The following DMD variants were observed in gnomAD, a reference collection of about 807,000 sequenced individuals.
DMD encodes dystrophin, also known as mutant dystrophin.
In DMD, 63 loss-of-function variants were observed where a neutral mutation model predicts 330.1. The observed-to-expected ratio is 0.19, with a 90% confidence interval of 0.16 to 0.24. The LOEUF is 0.24. Among genes scored for constraint, DMD ranks in the 10% least tolerant of loss-of-function variants. DMD has a pLI of 1.00. For synonymous variants in DMD, 1,223 were observed against 959.8 expected (o/e 1.27, Z -5.07); for missense variants, 3,344 against 2,684.1 (o/e 1.25, Z -5.43).
At chrX:31,878,574 A>C (rs759883212) in intron 47 of DMD, among the ~76,000 whole-genome samples, 74 of 112,217 alleles carry the variant, frequency 6.6e-4, no homozygotes, top group Non-Finnish European at 1.0e-3. Flanking sequence ...CCATAGGCAA[A>C]ATCAAAAACA....
At chrX:32,562,683 T>G (rs1464626619) in intron 16 of DMD, among the ~76,000 whole-genome samples, 2 of 112,803 alleles carry the variant, frequency 1.8e-5, no homozygotes, top group East Asian at 5.6e-4. Context: ...GTCACAACCT[T>G]ACAGCTCATA....
chrX:31,402,830 A>G (rs1434158986), intron 60 of DMD, among the ~76,000 whole-genome samples: 2 of 111,990 alleles, frequency 1.8e-5, no homozygotes, highest in African/African-American at 6.5e-5. Context: ...AATGTATAGG[A>G]GAAAACTAAT....
At position 33,219,705 on chromosome X, in the gene DMD, AG is replaced by A. The variant is rs765639739; in HGVS notation, c.7+119553del. On this transcript the variant is annotated intron_variant, in intron 1 of 17. Transcript: ENST00000288447. ...CAACTGTTTTATGAGGTAAATGTAC[AG>A]GGATTAATGAAGATTTTTAAAGATT... 2.3e-3 allele frequency among the ~76,000 whole-genome samples: 257 copies of A among 111,699 alleles called. 1 individual carries two copies. The highest frequency in any genetic ancestry group is 8.0e-3 in the African/African-American group (245 of 30,773).
rs753335189 is a variant in DMD, at chrX:31,119,411, A to AACTC, written c.*2504_*2507dup. Reference sequence around the variant, plus strand: ...CAATATATTATGATACTCAAGTAAGAACTCAGTACCTGAAAACAATGACAA... The same window carrying AACTC: ...CAATATATTATGATACTCAAGTAAGAACTCACTCAGTACCTGAAAACAATGACAA... On this transcript the variant is annotated 3_prime_UTR_variant, in exon 79 of 79. Coordinates refer to ENST00000357033, the MANE Select transcript of DMD (RefSeq NM_004006.3). 4.4e-5 allele frequency: 5 copies of AACTC among 112,572 alleles called. No homozygotes were observed. The South Asian group carries it at 1.1e-3, about 25-fold the overall frequency. 9.3% of individuals were successfully genotyped at this position (112,572 alleles called of 1,213,427 possible).
chrX:33,303,382 G>A (rs1306241637), intron 1 of DMD, among the ~76,000 whole-genome samples: 1 of 111,618 alleles, frequency 9.0e-6, no homozygotes, highest in African/African-American at 3.3e-5. Context: ...ATAAAATAAA[G>A]CCAACATTCT....
chrX:32,312,722 A>T (rs1217625648), intron 41 of DMD, among the ~76,000 whole-genome samples: 6 of 108,240 alleles, frequency 5.5e-5, no homozygotes, highest in African/African-American at 2.0e-4. Context: ...AAGAGGCACA[A>T]TAAAAAATGA....
At chrX:31,608,803 C>T (rs958718391) in intron 55 of DMD, among the ~76,000 whole-genome samples, 2 of 111,282 alleles carry the variant, frequency 1.8e-5, no homozygotes, top group Non-Finnish European at 3.8e-5. Context: ...GCTCATTTAC[C>T]ATTTGCTAAA....
intron 43 of DMD, among the ~76,000 whole-genome samples, chrX:32,271,616 A>G (rs2097365435): frequency 8.9e-6 from 1 of 112,948 alleles, no homozygotes; most frequent in Non-Finnish European, 1.9e-5. Flanking sequence ...CTCCTAGAAT[A>G]GAAGGTGAAA....
At chrX:33,229,768 T>G in intron 1 of DMD, among the ~76,000 whole-genome samples, 2 of 111,965 alleles carry the variant, frequency 1.8e-5, no homozygotes, top group Non-Finnish European at 3.8e-5. Flanking sequence ...CCGTATAAAT[T>G]TAGAATAAGC....
intron 16 of DMD, among the ~76,000 whole-genome samples, chrX:32,550,373 T>C (rs2049417289): frequency 1.8e-5 from 2 of 111,506 alleles, no homozygotes; most frequent in South Asian, 7.4e-4. Context: ...TCAAACAAAC[T>C]GCTCCTGAAT....
At chrX:31,998,299 C>T (rs780432217) in intron 44 of DMD, among the ~76,000 whole-genome samples, 15 of 111,611 alleles carry the variant, frequency 1.3e-4, no homozygotes, top group South Asian at 3.7e-4. Flanking sequence ...AAATGTGGAG[C>T]TTCCCTAGTA....
chrX:32,581,217 A>C (rs888965627), intron 13 of DMD, among the ~76,000 whole-genome samples: 1 of 112,354 alleles, frequency 8.9e-6, no homozygotes, highest in Non-Finnish European at 1.9e-5. Flanking sequence ...CTTTTCATCC[A>C]CAAGAAATCA....
chrX:33,025,942 A>G lies in DMD; in HGVS notation c.32-5742T>C, dbSNP rs775670621. Among the ~76,000 whole-genome samples the G allele has an allele frequency of 3.1e-3, 350 of 112,035 alleles. 2 individuals carry two copies. Among genetic ancestry groups the G allele is most frequent in the Non-Finnish European group, 5.4e-3 (286 of 53,212 alleles). ...ATCTTCATCCCTAATGTGACACAGA[A>G]AATGTATCTTTAAAAGGGGAAGGGA... On this transcript the variant is annotated intron_variant, in intron 1 of 78. Transcript: ENST00000357033.
chrX:32,768,808 G>GTCA (rs1258777149), intron 7 of DMD, among the ~76,000 whole-genome samples: 1 of 112,028 alleles, frequency 8.9e-6, no homozygotes, highest in Non-Finnish European at 1.9e-5. Context: ...GAGACAGGCT[G>GTCA]TCAAACAACC....
At chrX:32,843,863 C>T (rs1569533003) in intron 4 of DMD, among the ~76,000 whole-genome samples, 1 of 111,733 alleles carries the variant, frequency 8.9e-6, no homozygotes, top group Non-Finnish European at 1.9e-5. Context: ...CTTGGTTTAG[C>T]TGTGACTGTT....
At chrX:33,136,970 A>G (rs927648903) in intron 1 of DMD, among the ~76,000 whole-genome samples, 3 of 110,866 alleles carry the variant, frequency 2.7e-5, no homozygotes, top group Non-Finnish European at 5.7e-5. Flanking sequence ...ATATATAAAT[A>G]TACAAGTTTA....
At chrX:33,000,984 G>T (rs990310879) in intron 2 of DMD, among the ~76,000 whole-genome samples, 1 of 110,629 alleles carries the variant, frequency 9.0e-6, no homozygotes, top group South Asian at 3.8e-4. Flanking sequence ...TTTACTGTGC[G>T]CTAGGCACTC....
rs184973769 is a variant in DMD at position 32,662,666 on chromosome X, G to C, written c.961-17514C>G. Among the ~76,000 whole-genome samples the C allele has an allele frequency of 7.2e-4, 80 of 111,635 alleles. 1 individual carries two copies. The highest frequency in any genetic ancestry group is 2.3e-3 in the African/African-American group (71 of 30,781). On this transcript the variant is annotated intron_variant, in intron 9 of 78. Transcript: ENST00000357033. ...CAATTATTCTGGGAGTAGTTTATCA[G>C]AGTACAGATTATCTGGAGGTGTTAT...
At chrX:31,899,721 C>G (rs16989926) in intron 47 of DMD, among the ~76,000 whole-genome samples, 1,131 of 110,943 alleles carry the variant, frequency 0.01, 18 homozygotes, top group African/African-American at 0.035. Context: ...ACAGCAGAAT[C>G]AATTGGGTAG....
Sources: gnomAD v4.1 joint callset for allele counts (sites outside exome capture counted in the v4.1 genomes callset) on GRCh38, gnomAD v4.1.1 for gene constraint, MANE v1.5 for transcripts, NCBI Gene and HGNC (gene_info 2026-07-23, HGNC 2026-07-21) for gene names.